Variants in KATNA1 observed in about 807,000 individuals in gnomAD.
KATNA1 encodes the protein katanin catalytic subunit A1.
A neutral mutation model predicts 62.6 loss-of-function variants in KATNA1; 42 were observed. That is an observed-to-expected ratio of 0.67 (90% CI 0.52 to 0.87). The LOEUF (loss-of-function observed/expected upper bound fraction) is 0.87, where lower values mean the gene tolerates loss of function less well. KATNA1 is among the 40% of genes least tolerant of loss of function. The probability of loss-of-function intolerance (pLI) is 0.00; values close to 1 mark genes in which losing one functional copy is unlikely to be tolerated. For missense variants in KATNA1, 498 were observed against 612.5 expected (o/e 0.81, Z 1.97); for synonymous variants, 186 against 201.9 (o/e 0.92, Z 0.67).
chr6:149,621,902 C>T (rs1779409995), intron 4 of KATNA1, among the ~76,000 whole-genome samples: 1 of 152,022 alleles, frequency 6.6e-6, no homozygotes, highest in African/African-American at 2.4e-5. Context: ...AAATTCCAGT[C>T]CGAGAAAGGC....
chr6:149,595,214 A>G lies in KATNA1; in HGVS notation c.1298T>C (p.Met433Thr). The change falls in exon 11 of 11, where the codon ATG (methionine) becomes ACG (threonine). Residue 433 changes from methionine (M) to threonine (T), a missense_variant. Met to Thr is a moderately conservative substitution (Grantham distance 81). Transcript: ENST00000367411. ...AGTCAAACCTTCAATGCGCCTTCTC[A>G]TTGCCATCAAGGACGCATCCCTAGG... ...NVCRDASLMA[M>T]RRRIEGLTPE... is the part of the protein sequence containing the mutation. 1.9e-6 allele frequency: 3 copies of G among 1,613,740 alleles called. No individual in the cohort carries two copies. The highest frequency in any genetic ancestry group is 2.5e-6 in the Non-Finnish European group (3 of 1,179,654).
chr6:149,633,577 C>A (rs1233322892), intron 2 of KATNA1, among the ~76,000 whole-genome samples: 3 of 127,014 alleles, frequency 2.4e-5, no homozygotes, highest in Non-Finnish European at 5.1e-5. Context: ...ACTAAAAATA[C>A]AAAAAGTTAG....
chr6:149,644,197 T>G (rs886397182), intron 1 of KATNA1, among the ~76,000 whole-genome samples: 2 of 152,080 alleles, frequency 1.3e-5, no homozygotes, highest in East Asian at 3.9e-4. Context: ...GACCCGCTGC[T>G]AAAAGTATAT....
chr6:149,622,678 C>A (rs938896946), intron 4 of KATNA1, among the ~76,000 whole-genome samples: 1 of 145,836 alleles, frequency 6.9e-6, no homozygotes, highest in Non-Finnish European at 1.5e-5. Context: ...AGAGCGCTGG[C>A]AAACTGATGA....
intron 4 of KATNA1, among the ~76,000 whole-genome samples, chr6:149,622,853 T>A (rs1421811228): frequency 9.6e-5 from 1 of 10,396 alleles, no homozygotes; most frequent in Non-Finnish European, 1.4e-4. Context: ...TTACTAATAA[T>A]ACAAAATTAG....
chr6:149,604,586 A>G (rs1172220010), intron 5 of KATNA1, 75 bp downstream of exon 5: 4 of 1,485,380 alleles, frequency 2.7e-6, no homozygotes, highest in South Asian at 2.3e-5. Context: ...TCTTCAGTAC[A>G]TGCTCACATT....
rs377581865 is a variant in KATNA1 at position 149,638,985 on chromosome 6, C to T, written c.-13-425G>A. On this transcript the variant is annotated intron_variant, in intron 1 of 10. Transcript: ENST00000367411. ...AACTCCTGACCTCAGGTGATCTGCC[C>T]GCCTCGGCCTCCCAAAGTGCTGGGA... Among the ~76,000 whole-genome samples the T allele has an allele frequency of 2.1e-3, 322 of 151,812 alleles. 1 individual carries two copies. The highest frequency in any genetic ancestry group is 6.2e-3 in the African/African-American group (258 of 41,442).
At position 149,598,271 on chromosome 6, in the gene KATNA1, T is replaced by C. The variant is rs1256694136; in HGVS notation, c.968A>G (p.His323Arg). 3.7e-6 allele frequency: 6 copies of C among 1,613,894 alleles called. No individual in the cohort carries two copies. Among genetic ancestry groups the C allele is most frequent in the Non-Finnish European group, 5.1e-6 (6 of 1,179,982 alleles). The change falls in exon 8 of 11, where the codon CAT becomes CGT. Residue 323 changes from histidine to arginine, a missense_variant. Around this residue, in one of 3 missense-constraint regions of KATNA1, gnomAD observed 267 missense variants for 372.6 expected, o/e 0.72. Transcript: ENST00000367411. Reference protein sequence around the residue: ...ICSRRGTSEEHEASRRVKAEL... With the variant: ...ICSRRGTSEEREASRRVKAEL... ...CGCTTTCACCCTTCTGCTTGCTTCA[T>C]GTTCTTCAGAAGTCCCTCGGCGACT...
At chr6:149,601,833 A>G in intron 6 of KATNA1, 81 bp from the exon 7 acceptor site, 3 of 1,088,770 alleles carry the variant, frequency 2.8e-6, no homozygotes, top group Non-Finnish European at 3.7e-6. Context: ...TAAGTAGCAA[A>G]TTTCGACCAA....
At chr6:149,623,313 A>G in intron 3 of KATNA1, 30 bp from the exon 4 acceptor site, 1 of 1,513,124 alleles carries the variant, frequency 6.6e-7, no homozygotes, top group Non-Finnish European at 8.9e-7. Context: ...TTAATATCAT[A>G]ATCAACTCCA....
intron 4 of KATNA1, among the ~76,000 whole-genome samples, chr6:149,610,004 C>CA (rs1778888186): frequency 6.8e-6 from 1 of 147,712 alleles, no homozygotes; most frequent in Non-Finnish European, 1.5e-5. Context: ...GAGGCTGAGG[C>CA]AGGAGAATCA....
chr6:149,613,375 CA>C (rs1435734361), intron 4 of KATNA1, among the ~76,000 whole-genome samples: 3 of 151,424 alleles, frequency 2.0e-5, no homozygotes, highest in Admixed American at 6.6e-5. Flanking sequence ...CTAGCCAATG[CA>C]ATAAGGTAAG....
intron 2 of KATNA1, among the ~76,000 whole-genome samples, chr6:149,634,958 A>G (rs1780013386): frequency 6.7e-6 from 1 of 149,706 alleles, no homozygotes; most frequent in Non-Finnish European, 1.5e-5. Flanking sequence ...TTTTTTTTCA[A>G]ATATTTTTTA....
chr6:149,625,933 CAAAA>C (rs200316485), intron 3 of KATNA1, among the ~76,000 whole-genome samples: 22 of 137,504 alleles, frequency 1.6e-4, no homozygotes, highest in Admixed American at 3.5e-4. Flanking sequence ...GACTCCATCT[CAAAA>C]AAAAAAAAAA....
At chr6:149,645,800 T>C (rs966213740) in intron 1 of KATNA1, among the ~76,000 whole-genome samples, 2 of 152,238 alleles carry the variant, frequency 1.3e-5, no homozygotes, top group South Asian at 2.1e-4. Flanking sequence ...TTTTTAAAAA[T>C]ACTGAAATCG....
chr6:149,637,175 G>A (rs1780093673), intron 2 of KATNA1, among the ~76,000 whole-genome samples: 1 of 152,002 alleles, frequency 6.6e-6, no homozygotes, highest in Non-Finnish European at 1.5e-5. Flanking sequence ...ACTTAGGGAG[G>A]CTGAGGTGGA....
In KATNA1 at chr6:149,623,253, A is replaced by T. The variant is rs1387679622; in HGVS notation, c.351T>A (p.Ser117=). ...RPSPGPRKRQ[S]SQYSDPKSHG... is the part of the protein sequence containing the mutation. ...GTGATTTAGGGTCACTGTACTGAGAAGATTGGCGTTTTCTAGGTCCTGGTG... is the reference window on the plus strand; with the variant it reads ...GTGATTTAGGGTCACTGTACTGAGATGATTGGCGTTTTCTAGGTCCTGGTG... The change falls in exon 4 of 11, where the codon TCT becomes TCA. Residue 117 remains serine (S), a synonymous_variant. Transcript: ENST00000367411. 1.9e-6 allele frequency: 3 copies of T among 1,599,908 alleles called. No homozygotes were observed. In the African/African-American group the frequency reaches 4.0e-5, roughly 22 times the overall value.
chr6:149,647,997 G>A (rs1429691601), intron 1 of KATNA1, among the ~76,000 whole-genome samples: 16 of 152,140 alleles, frequency 1.1e-4, no homozygotes, highest in Admixed American at 1.0e-3. Context: ...AGGCCCACAG[G>A]CCTTCCAGAG....
chr6:149,627,598 G>A (rs1779666192), intron 3 of KATNA1, among the ~76,000 whole-genome samples: 1 of 150,746 alleles, frequency 6.6e-6, no homozygotes, highest in Non-Finnish European at 1.5e-5. Context: ...CATTAGAATT[G>A]CCTGGACCCA....
Sources: allele counts gnomAD v4.1 joint callset (sites outside exome capture counted in the v4.1 genomes callset), GRCh38; gene constraint gnomAD v4.1.1; regional missense constraint gnomAD v4.1.1; transcripts MANE v1.5; gene names NCBI Gene and HGNC (gene_info 2026-07-23, HGNC 2026-07-21).